DENND4A: variants seen among roughly 807,000 people sequenced by gnomAD.
The protein encoded by DENND4A is DENN domain containing 4A, also known as C-myc promoter-binding protein.
A neutral mutation model predicts 199.3 loss-of-function variants in DENND4A; 70 were observed. That is an observed-to-expected ratio of 0.35 (90% confidence interval 0.29 to 0.43). The LOEUF (loss-of-function observed/expected upper bound fraction) is 0.43, where lower values mean the gene tolerates loss of function less well. DENND4A is among the 20% of genes least tolerant of loss of function. The probability of loss-of-function intolerance (pLI) is 1.00; values close to 1 mark genes in which losing one functional copy is unlikely to be tolerated. For synonymous variants in DENND4A, 686 were observed against 766.9 expected (o/e 0.89, Z 1.74); for missense variants, 1,723 against 2,255.8 (o/e 0.76, Z 4.78).
intron 6 of DENND4A, among the ~76,000 whole-genome samples, chr15:65,738,465 TGAAG>T (rs1280583567): frequency 6.6e-6 from 1 of 152,166 alleles, no homozygotes. Flanking sequence ...AATGAATAAA[TGAAG>T]GATCATCATT....
chr15:65,723,668 C>A (rs1463245441), intron 11 of DENND4A, among the ~76,000 whole-genome samples: 1 of 152,054 alleles, frequency 6.6e-6, no homozygotes, highest in Non-Finnish European at 1.5e-5. Context: ...TTTTCCCAAG[C>A]ATATATACCT....
Position 65,737,824 on chromosome 15 carries a change from T to C in DENND4A, c.923A>G (p.His308Arg), listed in dbSNP as rs1350469088. ...AAGAAGACAGATGCATTTGTTAGTA[T>C]GAATTGTTTTGGAACTATCAGACTT... ...DGKSDSSKTI[H>R]TNKCICLLSH... The change falls in exon 7 of 33, where the codon CAT (histidine) becomes CGT (arginine). Residue 308 changes from histidine (H) to arginine (R), a missense_variant. By Grantham distance (29) the His-to-Arg change is conservative (BLOSUM62 0). Coordinates refer to ENST00000443035, the MANE Select transcript of DENND4A (RefSeq NM_001320835.1). The C allele has an allele frequency of 6.2e-7, 1 of 1,601,838 alleles. No individual in the cohort carries two copies. Among genetic ancestry groups the C allele is most frequent in the Non-Finnish European group, 8.5e-7 (1 of 1,173,722 alleles).
At chr15:65,724,784 A>C (rs2075755075) in intron 11 of DENND4A, among the ~76,000 whole-genome samples, 1 of 152,250 alleles carries the variant, frequency 6.6e-6, no homozygotes, top group Non-Finnish European at 1.5e-5. Flanking sequence ...TAAGAACGCA[A>C]CATAGAAACA....
chr15:65,764,798 C>T lies in DENND4A; in HGVS notation c.-101-3360G>A, dbSNP rs148590418. The stretch of plus-strand genomic sequence containing the variant: ...GACTAGCCTGGGCAACATAGTGAGA[C>T]CCCATCTGTACAAAAAATTTAAAAA... On this transcript the variant is annotated intron_variant, in intron 1 of 32. Coordinates refer to ENST00000443035, the MANE Select transcript of DENND4A (RefSeq NM_001320835.1). Among the ~76,000 whole-genome samples the T allele has an allele frequency of 7.3e-3, 1,114 of 151,892 alleles. 14 individuals carry two copies. Among genetic ancestry groups the T allele is most frequent in the South Asian group, 0.041 (195 of 4,782 alleles).
intron 1 of DENND4A, among the ~76,000 whole-genome samples, chr15:65,789,949 A>AG (rs1168616670): frequency 3.9e-5 from 6 of 152,174 alleles, no homozygotes; most frequent in African/African-American, 9.7e-5. Context: ...TGGGCTCACG[A>AG]GTTCAAAACC....
chr15:65,750,869 T>C (rs1280036474), intron 4 of DENND4A, among the ~76,000 whole-genome samples: 1 of 152,172 alleles, frequency 6.6e-6, no homozygotes, highest in Non-Finnish European at 1.5e-5. Context: ...TAGGATCTGA[T>C]TTATGTTTTT....
At chr15:65,695,207 T>G (rs1309521874) in intron 22 of DENND4A, among the ~76,000 whole-genome samples, 2 of 152,200 alleles carry the variant, frequency 1.3e-5, no homozygotes, top group Non-Finnish European at 2.9e-5. Flanking sequence ...CGCAAACTTT[T>G]TCTATCAAGG....
intron 21 of DENND4A, 193 bp downstream of exon 21, chr15:65,697,074 A>C: frequency 2.1e-6 from 1 of 476,022 alleles, no homozygotes; most frequent in Admixed American, 4.0e-5. Context: ...GTGTTTTGCC[A>C]CTGAGGCTAT....
intron 19 of DENND4A, 76 bp from the exon 20 acceptor site, chr15:65,700,751 T>G: frequency 7.3e-7 from 1 of 1,375,228 alleles, no homozygotes; most frequent in Non-Finnish European, 9.6e-7. Context: ...AAGCTAATAA[T>G]CCACCAATGT....
intron 7 of DENND4A, 142 bp downstream of exon 7, chr15:65,737,565 A>G: frequency 1.3e-6 from 1 of 761,732 alleles, no homozygotes; most frequent in Non-Finnish European, 2.1e-6. Flanking sequence ...ATGGAGAAAT[A>G]CTACCTGACT....
chr15:65,722,567 A>G (rs1214944404), intron 12 of DENND4A, among the ~76,000 whole-genome samples: 2 of 152,022 alleles, frequency 1.3e-5, no homozygotes, highest in African/African-American at 4.8e-5. Flanking sequence ...TTTGAATTTT[A>G]TTATTTTAAG....
intron 23 of DENND4A, among the ~76,000 whole-genome samples, chr15:65,684,691 A>T (rs62014385): frequency 0.068 from 10,324 of 152,106 alleles, 346 homozygotes; most frequent in African/African-American, 0.091. Flanking sequence ...TGGATCACAA[A>T]AGTCTTCAAT....
intron 9 of DENND4A, among the ~76,000 whole-genome samples, chr15:65,730,788 G>A (rs188557255): frequency 5.9e-5 from 9 of 152,042 alleles, no homozygotes; most frequent in Admixed American, 2.6e-4. Flanking sequence ...TTAGGGTGAC[G>A]AAAATGTTCT....
intron 20 of DENND4A, among the ~76,000 whole-genome samples, chr15:65,698,923 A>G (rs2077252810): frequency 6.6e-6 from 1 of 151,792 alleles, no homozygotes; most frequent in South Asian, 2.1e-4. Flanking sequence ...TTTTTAGTAG[A>G]GATGGTGTTT....
chr15:65,700,410 A>C (rs2074823728), intron 20 of DENND4A, 134 bp downstream of exon 20: 1 of 368,728 alleles, frequency 2.7e-6, no homozygotes, highest in Admixed American at 4.8e-5. Context: ...CTAATATCAA[A>C]TAAAATACAT....
chr15:65,660,223 T>C lies in DENND4A; in HGVS notation c.*1628A>G. The stretch of plus-strand genomic sequence containing the variant: ...CACCAGATTTTTCAAGTAAGCAAGT[T>C]CAGCCCCAAACTAACTGAAGTTTTA... On this transcript the variant is annotated 3_prime_UTR_variant, in exon 33 of 33. Coordinates refer to ENST00000443035, the MANE Select transcript of DENND4A (RefSeq NM_001320835.1). 7.2e-7 allele frequency: 1 copy of C among 1,379,500 alleles called. No homozygotes were observed. The highest frequency in any genetic ancestry group is 1.0e-6 in the Non-Finnish European group (1 of 1,004,902). 85.5% of individuals were successfully genotyped at this position (1,379,500 alleles called of 1,614,324 possible).
At position 65,741,711 on chromosome 15, in the gene DENND4A, T is replaced by C; in HGVS notation, c.631+4A>G. On this transcript the variant is annotated splice_donor_region_variant and intron_variant, in intron 5 of 32. Coordinates refer to ENST00000443035, the MANE Select transcript of DENND4A (RefSeq NM_001320835.1). ...TGAAGTATTGCATGAAAAATTACACTTACCAGCTTTGTAAGATACAGTGTT... is the reference window on the plus strand; with the variant it reads ...TGAAGTATTGCATGAAAAATTACACCTACCAGCTTTGTAAGATACAGTGTT... 6.2e-7 allele frequency: 1 copy of C among 1,611,718 alleles called. No individual in the cohort carries two copies. The highest frequency in any genetic ancestry group is 8.5e-7 in the Non-Finnish European group (1 of 1,178,558).
At chr15:65,688,046 T>C (rs1026861387) in intron 23 of DENND4A, among the ~76,000 whole-genome samples, 1 of 152,198 alleles carries the variant, frequency 6.6e-6, no homozygotes, top group Non-Finnish European at 1.5e-5. Flanking sequence ...TTTGTTCCTT[T>C]TGATATTGTC....
chr15:65,686,665 G>C (rs757045340), intron 23 of DENND4A, among the ~76,000 whole-genome samples: 1 of 152,074 alleles, frequency 6.6e-6, no homozygotes, highest in Non-Finnish European at 1.5e-5. Context: ...AACCTCCTGA[G>C]TAGCTGGAAC....
Sources: gnomAD v4.1 joint callset for allele counts (sites outside exome capture counted in the v4.1 genomes callset) on GRCh38, gnomAD v4.1.1 for gene constraint, MANE v1.5 for transcripts, NCBI Gene and HGNC (gene_info 2026-07-23, HGNC 2026-07-21) for gene names.